Variants in ESRRG observed in about 807,000 individuals in gnomAD.
ESRRG encodes the protein estrogen-related receptor gamma.
ESRRG carries 13 observed loss-of-function variants against 44.0 expected under a neutral mutation model. The observed-to-expected ratio is 0.30, with a 90% CI of 0.19 to 0.47. The LOEUF (loss-of-function observed/expected upper bound fraction) is 0.47, where lower values mean the gene tolerates loss of function less well. ESRRG is among the 20% of genes least tolerant of loss of function. The pLI, the probability that ESRRG is intolerant of heterozygous loss-of-function variation, is 1.00. For synonymous variants in ESRRG, 215 were observed against 214.6 expected, an observed-to-expected ratio of 1.00 and a Z score of -0.02; for missense variants, 395 against 580.6, an observed-to-expected ratio of 0.68 and a Z score of 3.29.
chr1:216,971,619 G>T (rs2071681291), intron 1 of ESRRG, among the ~76,000 whole-genome samples: 1 of 152,010 alleles, frequency 6.6e-6, no homozygotes, highest in African/African-American at 2.4e-5. Context: ...AAAATTATTG[G>T]TTTTAATCTA....
chr1:216,739,014 C>A (rs1198781502), intron 2 of ESRRG, among the ~76,000 whole-genome samples: 1 of 152,044 alleles, frequency 6.6e-6, no homozygotes, highest in Non-Finnish European at 1.5e-5. Context: ...CTGCAACCAG[C>A]CCCTACTTAT....
intron 2 of ESRRG, among the ~76,000 whole-genome samples, chr1:216,923,512 G>A (rs2062097611): frequency 6.6e-6 from 1 of 152,042 alleles, no homozygotes; most frequent in Admixed American, 6.5e-5. Context: ...GAACCATGGT[G>A]CCTGTTACTC....
intron 5 of ESRRG, among the ~76,000 whole-genome samples, chr1:216,558,792 G>T (rs1280085630): frequency 2.6e-5 from 4 of 151,948 alleles, no homozygotes; most frequent in Non-Finnish European, 5.9e-5. Context: ...AGGTATACAG[G>T]TATATAACTA....
At chr1:216,788,799 A>G (rs2094215422) in intron 2 of ESRRG, among the ~76,000 whole-genome samples, 1 of 152,126 alleles carries the variant, frequency 6.6e-6, no homozygotes, top group Non-Finnish European at 1.5e-5. Flanking sequence ...TTATGGGAGG[A>G]GGTCAAAATG....
intron 3 of ESRRG, among the ~76,000 whole-genome samples, chr1:216,572,215 G>A (rs1034608596): frequency 2.6e-5 from 4 of 151,976 alleles, no homozygotes; most frequent in African/African-American, 4.8e-5. Context: ...AAAGACAGAC[G>A]CAACTACTTC....
intron 1 of ESRRG, among the ~76,000 whole-genome samples, chr1:217,074,016 T>C (rs1042673312): frequency 6.6e-6 from 1 of 151,904 alleles, no homozygotes; most frequent in African/African-American, 2.4e-5. Context: ...ACCCCTACTT[T>C]AAAGCTTTTA....
At chr1:217,099,835 C>T (rs985366732) in intron 1 of ESRRG, among the ~76,000 whole-genome samples, 1 of 152,140 alleles carries the variant, frequency 6.6e-6, no homozygotes, top group Non-Finnish European at 1.5e-5. Flanking sequence ...GCAATTCAAA[C>T]ATAAGCAGGG....
intron 1 of ESRRG, among the ~76,000 whole-genome samples, chr1:216,704,063 G>C (rs1239599291): frequency 6.6e-6 from 1 of 152,130 alleles, no homozygotes; most frequent in Non-Finnish European, 1.5e-5. Context: ...TTTTGAGTTA[G>C]CAATGTGATT....
intron 2 of ESRRG, among the ~76,000 whole-genome samples, chr1:216,843,641 C>T (rs1295516582): frequency 6.6e-6 from 1 of 152,126 alleles, no homozygotes; most frequent in Non-Finnish European, 1.5e-5. Context: ...AATCATCCGG[C>T]AAGCAAGGCC....
At chr1:216,553,808 C>T (rs760894495) in intron 5 of ESRRG, among the ~76,000 whole-genome samples, 55 of 151,838 alleles carry the variant, frequency 3.6e-4, no homozygotes, top group Admixed American at 1.3e-3. Flanking sequence ...CTGACACTCG[C>T]TATAGGAAAA....
chr1:216,807,370 T>C (rs1412311609), intron 2 of ESRRG, among the ~76,000 whole-genome samples: 2 of 152,130 alleles, frequency 1.3e-5, no homozygotes, highest in African/African-American at 4.8e-5. Flanking sequence ...TATTAGAAAG[T>C]TGATCAAGAG....
intron 2 of ESRRG, among the ~76,000 whole-genome samples, chr1:216,666,926 A>G (rs1189764862): frequency 6.6e-6 from 1 of 152,102 alleles, no homozygotes; most frequent in African/African-American, 2.4e-5. Flanking sequence ...AGGTTAAGAG[A>G]ACTCTCCTCC....
chr1:216,952,353 A>C (rs1385819930), intron 1 of ESRRG, among the ~76,000 whole-genome samples: 1 of 152,156 alleles, frequency 6.6e-6, no homozygotes, highest in Non-Finnish European at 1.5e-5. Context: ...CATATTTTGC[A>C]AAGGGCAGCG....
At chr1:216,870,999 C>A (rs2096252136) in intron 2 of ESRRG, among the ~76,000 whole-genome samples, 1 of 151,872 alleles carries the variant, frequency 6.6e-6, no homozygotes, top group Non-Finnish European at 1.5e-5. Flanking sequence ...ATGCTTATAT[C>A]TTTATGAGTA....
intron 2 of ESRRG, among the ~76,000 whole-genome samples, chr1:216,937,657 A>G (rs1292830789): frequency 6.6e-6 from 1 of 152,158 alleles, no homozygotes; most frequent in Non-Finnish European, 1.5e-5. Flanking sequence ...GGGGGAAGAA[A>G]ACCTCAGCAC....
chr1:216,622,609 T>TATACACACACACACACACAC (rs147309378), intron 3 of ESRRG, among the ~76,000 whole-genome samples: 4 of 150,932 alleles, frequency 2.7e-5, no homozygotes, highest in African/African-American at 9.8e-5. Context: ...AAATGAAAAT[T>TATACACACACACACACACAC]ACACACACGC....
chr1:216,960,571 C>G lies in ESRRG; in HGVS notation c.-105-20898G>C, dbSNP rs193112796. On this transcript the variant is annotated intron_variant, in intron 1 of 7. Transcript: ENST00000359162. ...CTCATTCAATACTACGCTTTTATGA[C>G]TCCTCCATGTGTTTGTTTGTTTGTT... is the stretch of plus-strand genomic sequence containing the variant. Among the ~76,000 whole-genome samples, 48 of 127,030 alleles carry G rather than the reference C, an allele frequency of 3.8e-4. 1 individual carries two copies. Among genetic ancestry groups the G allele is most frequent in the Admixed American group, 1.9e-3 (24 of 12,890 alleles). The allele number at this position is 127,030 out of a possible 152,430, so 83.3% of individuals were successfully genotyped here.
rs536986069 is a variant in ESRRG, at chr1:216,774,093, G to A, written c.-13-96602C>T. Among the ~76,000 whole-genome samples the A allele has an allele frequency of 1.4e-3, 216 of 152,182 alleles. 1 individual carries two copies. The highest frequency in any genetic ancestry group is 2.4e-3 in the Non-Finnish European group (162 of 68,000). On this transcript the variant is annotated intron_variant, in intron 2 of 7. Transcript: ENST00000359162. ...ACAGCCATAGAGGCCACATAGCTTA[G>A]GAGTGGAAGAGCTAAGATTTGAACC...
At chr1:217,011,483 G>T (rs1446652189) in intron 1 of ESRRG, among the ~76,000 whole-genome samples, 1 of 152,158 alleles carries the variant, frequency 6.6e-6, no homozygotes, top group Non-Finnish European at 1.5e-5. Context: ...TGGCTAAATG[G>T]TTGCATACTA....
Sources: allele counts gnomAD v4.1 joint callset (sites outside exome capture counted in the v4.1 genomes callset), GRCh38; gene constraint gnomAD v4.1.1; transcripts MANE v1.5; gene names NCBI Gene and HGNC (gene_info 2026-07-23, HGNC 2026-07-21).